The following PCYOX1L variants were observed in gnomAD, a reference collection of about 807,000 sequenced individuals.
PCYOX1L encodes prenylcysteine oxidase 1 like.
Under a neutral mutation model 44.1 loss-of-function variants are expected in PCYOX1L, and 40 were observed. The ratio of observed to expected loss-of-function variants is 0.91; its 90% CI spans 0.70 to 1.18. The LOEUF (loss-of-function observed/expected upper bound fraction) is 1.18, where lower values mean the gene tolerates loss of function less well. Among genes scored for constraint, PCYOX1L ranks in the 50% most tolerant of loss-of-function variants. The pLI is 0.00. For missense variants in PCYOX1L, 605 were observed against 653.3 expected (o/e 0.93, Z 0.81); for synonymous variants, 266 against 282.8 (o/e 0.94, Z 0.60).
intron 1 of PCYOX1L, 105 bp downstream of exon 1, chr5:149,358,261 G>A (rs1757909666): frequency 1.5e-5 from 19 of 1,266,614 alleles, no homozygotes; most frequent in Non-Finnish European, 1.8e-5. Context: ...GGTGAGGGAG[G>A]GGTCCTCGGA....
At chr5:149,366,553 G>C (rs908498026) in intron 4 of PCYOX1L, among the ~76,000 whole-genome samples, 1 of 152,212 alleles carries the variant, frequency 6.6e-6, no homozygotes, top group Non-Finnish European at 1.5e-5. Flanking sequence ...CTGGGCCTGT[G>C]TGTAGCTCAC....
chr5:149,367,069 G>A (rs1286709822), intron 4 of PCYOX1L, among the ~76,000 whole-genome samples: 2 of 152,108 alleles, frequency 1.3e-5, no homozygotes, highest in Non-Finnish European at 2.9e-5. Context: ...GCCCTGGGCA[G>A]CTACAGATCT....
At chr5:149,366,445 A>AT (rs1758210161) in intron 4 of PCYOX1L, among the ~76,000 whole-genome samples, 1 of 152,226 alleles carries the variant, frequency 6.6e-6, no homozygotes, top group East Asian at 1.9e-4. Context: ...AGCTGAGATA[A>AT]TGCTCTGCTC....
Position 149,368,101 on chromosome 5 carries a change from G to C in PCYOX1L, c.932G>C (p.Ser311Thr), listed in dbSNP as rs773319799. 9 of 1,612,502 alleles carry C rather than the reference G, an allele frequency of 5.6e-6. No individual in the cohort carries two copies. The South Asian group carries it at 8.8e-5, about 16-fold the overall frequency. Residue 311 changes from serine (S) to threonine (T), a missense_variant, in exon 6 of 6, where the codon AGC (serine) becomes ACC (threonine). Physicochemically the swap from Ser to Thr is moderately conservative, Grantham distance 58. Coordinates refer to ENST00000274569, the MANE Select transcript of PCYOX1L (RefSeq NM_024028.4). ...CCCCTGCACCTGGACAACAGCAGCAGCAACTTAACCTTTGCAGGCTTCCAC... is the reference window on the plus strand; with the variant it reads ...CCCCTGCACCTGGACAACAGCAGCACCAACTTAACCTTTGCAGGCTTCCAC... ...ATPLHLDNSS[S>T]NLTFAGFHPP...
At position 149,368,407 on chromosome 5, in the gene PCYOX1L, C is replaced by G; in HGVS notation, c.1238C>G (p.Ser413Cys). ...ACCCAGCTAAAGACCCTGTTCCGTT[C>G]CTATTACTCAGTGCAGACAGCTGAG... ...FRTQLKTLFR[S>C]YYSVQTAEWQ... The change falls in exon 6 of 6, where the codon TCC becomes TGC. Residue 413 changes from serine (S) to cysteine (C), a missense_variant. Physicochemically the swap from Ser to Cys is moderately radical, Grantham distance 112 (BLOSUM62 -1). Transcript: ENST00000274569. 1 of 1,614,226 alleles carries G rather than the reference C, an allele frequency of 6.2e-7. No homozygotes were observed. The highest frequency in any genetic ancestry group is 8.5e-7 in the Non-Finnish European group (1 of 1,180,030).
At chr5:149,365,673 T>C (rs1758172222) in intron 3 of PCYOX1L, 1 of 521,212 alleles carries the variant, frequency 1.9e-6, no homozygotes, top group East Asian at 3.3e-5. Context: ...AGGGAGTGGC[T>C]CAGAGCAGTG....
In PCYOX1L at chr5:149,368,246, C is replaced by T; in HGVS notation, c.1077C>T (p.Ile359=). 6.2e-7 allele frequency: 1 copy of T among 1,614,192 alleles called. No individual in the cohort carries two copies. Among genetic ancestry groups the T allele is most frequent in the Non-Finnish European group, 8.5e-7 (1 of 1,180,038 alleles). The change falls in exon 6 of 6, where the codon ATC becomes ATT. Residue 359 remains isoleucine, a synonymous_variant. Coordinates refer to ENST00000274569, the MANE Select transcript of PCYOX1L (RefSeq NM_024028.4). ...PDPKLFPFAN[I]LTTDFPSFFC... is the part of the protein sequence containing the mutation. ...CTAAGCTTTTCCCCTTTGCCAACAT[C>T]CTTACCACAGATTTCCCCAGCTTCT... is the stretch of plus-strand genomic sequence containing the variant.
chr5:149,367,921 G>A (rs1758274054), intron 5 of PCYOX1L, 72 bp from the exon 6 acceptor site: 1 of 1,468,882 alleles, frequency 6.8e-7, no homozygotes, highest in African/African-American at 1.4e-5. Context: ...GTACCTCAAT[G>A]CTGGACCCCA....
intron 2 of PCYOX1L, 172 bp downstream of exon 2, chr5:149,363,015 C>T (rs1450953080): frequency 3.7e-6 from 3 of 800,170 alleles, no homozygotes; most frequent in Non-Finnish European, 6.3e-6. Context: ...TGAGGTTACA[C>T]AGTGAGTTAG....
intron 1 of PCYOX1L, 30 bp downstream of exon 1, chr5:149,358,186 C>G (rs899311682): frequency 5.4e-5 from 77 of 1,416,090 alleles, no homozygotes; most frequent in Non-Finnish European, 6.6e-5. Context: ...GGGTTCCCAG[C>G]TGGGGAGGGC....
Position 149,368,417 on chromosome 5 carries a change from A to T in PCYOX1L, c.1248A>T (p.Ser416=). The T allele has an allele frequency of 1.2e-6, 2 of 1,614,104 alleles. No individual in the cohort carries two copies. The highest frequency in any genetic ancestry group is 1.7e-6 in the Non-Finnish European group (2 of 1,180,020). Residue 416 remains serine (S), a synonymous_variant, in exon 6 of 6, where the codon TCA becomes TCT. Coordinates refer to ENST00000274569, the MANE Select transcript of PCYOX1L (RefSeq NM_024028.4). Reference sequence around the variant, plus strand: ...AGACCCTGTTCCGTTCCTATTACTCAGTGCAGACAGCTGAGTGGCAGGCCC... The same window carrying T: ...AGACCCTGTTCCGTTCCTATTACTCTGTGCAGACAGCTGAGTGGCAGGCCC... The part of the protein sequence containing the change: ...QLKTLFRSYY[S]VQTAEWQAHP...
chr5:149,364,893 C>T (rs950949330), intron 3 of PCYOX1L: 1 of 152,418 alleles, frequency 6.6e-6, no homozygotes, highest in African/African-American at 2.4e-5. Context: ...TGGTCTGTTC[C>T]CTCCCTGTTC....
Position 149,367,411 on chromosome 5 carries a change from G to A in PCYOX1L, c.734G>A (p.Gly245Asp). ...GGCAGCCTGTGGTCTGTGGAAGGAG[G>A]CAATAAGCTGGTTTGTTCCGGTTTG... The part of the protein sequence containing the change: ...AQGSLWSVEG[G>D]NKLVCSGLLK... The change falls in exon 5 of 6, where the codon GGC becomes GAC. Residue 245 changes from glycine to aspartate, a missense_variant. Physicochemically the swap from Gly to Asp is moderately conservative, Grantham distance 94. Transcript: ENST00000274569. 6.2e-7 allele frequency: 1 copy of A among 1,613,726 alleles called. No homozygotes were observed. The highest frequency in any genetic ancestry group is 1.1e-5 in the South Asian group (1 of 91,026).
intron 5 of PCYOX1L, 98 bp downstream of exon 5, chr5:149,367,598 CT>C: frequency 6.7e-7 from 1 of 1,496,788 alleles, no homozygotes; most frequent in Non-Finnish European, 8.9e-7. Context: ...TGTGATCCCC[CT>C]GGGGAGTATT....
At chr5:149,362,057 A>G (rs1400639354) in intron 1 of PCYOX1L, 2 of 154,882 alleles carry the variant, frequency 1.3e-5, no homozygotes, top group African/African-American at 4.8e-5. Flanking sequence ...TAGGCTTTTC[A>G]GGCCATGCAG....
At position 149,362,677 on chromosome 5, in the gene PCYOX1L, TTTTCTCCAGCAGCACTTTGGACC is replaced by T; in HGVS notation, c.131_153del (p.Phe44SerfsTer27). 6.2e-7 allele frequency: 1 copy of T among 1,614,178 alleles called. No individual in the cohort carries two copies. Among genetic ancestry groups the T allele is most frequent in the South Asian group, 1.1e-5 (1 of 91,076 alleles). Reference sequence around the variant, plus strand: ...GGATTGGGGGCTCTGCTGTGGCCCATTTTCTCCAGCAGCACTTTGGACCTCGGGTGCAGATCGACGTGTACGAG... The same window carrying T: ...GGATTGGGGGCTCTGCTGTGGCCCATTCGGGTGCAGATCGACGTGTACGAG... On this transcript the variant is annotated frameshift_variant, in exon 2 of 6. Transcript: ENST00000274569. LOFTEE classifies it high-confidence loss of function.
At chr5:149,367,229 C>T in intron 4 of PCYOX1L, 131 bp from the exon 5 acceptor site, 1 of 1,104,442 alleles carries the variant, frequency 9.1e-7, no homozygotes, top group Non-Finnish European at 1.3e-6. Flanking sequence ...GTATGTTTGC[C>T]ATCTCCCCAT....
In PCYOX1L at chr5:149,362,373, A is replaced by G. The variant is rs1334285156; in HGVS notation, c.89-264A>G. On this transcript the variant is annotated intron_variant, in intron 1 of 5. Transcript: ENST00000274569. ...TCTTTAATTGGTCATCCTGACTTTCAGTATTCTTTGCTGGTCTTTTGCTGC... is the reference window on the plus strand; with the variant it reads ...TCTTTAATTGGTCATCCTGACTTTCGGTATTCTTTGCTGGTCTTTTGCTGC... The G allele has an allele frequency of 1.2e-5, 6 of 497,766 alleles. No homozygotes were observed. In the East Asian group the frequency reaches 1.8e-4, roughly 15 times the overall value. 30.8% of individuals were successfully genotyped at this position (497,766 alleles called of 1,614,324 possible). A position where few individuals can be genotyped will look rare whatever the true frequency, so the allele number is the denominator to read the frequency against.
chr5:149,362,197 C>G (rs1053168298), intron 1 of PCYOX1L: 1 of 172,646 alleles, frequency 5.8e-6, no homozygotes, highest in Non-Finnish European at 1.3e-5. Flanking sequence ...TGGATTTGGC[C>G]TGCAGGCTGT....
Sources: gnomAD v4.1 joint callset for allele counts (sites outside exome capture counted in the v4.1 genomes callset) on GRCh38, gnomAD v4.1.1 for gene constraint, MANE v1.5 for transcripts, NCBI Gene and HGNC (gene_info 2026-07-23, HGNC 2026-07-21) for gene names.